Variants in FGF12 observed in about 807,000 individuals in gnomAD.
The protein encoded by FGF12 is fibroblast growth factor 12B.
Under a neutral mutation model 23.6 loss-of-function variants are expected in FGF12, and 14 were observed. The ratio of observed to expected loss-of-function variants is 0.59; its 90% CI spans 0.39 to 0.93. The LOEUF is 0.93. FGF12 is among the 40% of genes least tolerant of loss of function. The probability of loss-of-function intolerance (pLI) is 0.00; values close to 1 mark genes in which losing one functional copy is unlikely to be tolerated. For missense variants in FGF12, 175 were observed against 217.8 expected (o/e 0.80, Z 1.24); for synonymous variants, 62 against 77.3 (o/e 0.80, Z 1.04).
At chr3:192,324,618 T>C (rs1424443466) in intron 4 of FGF12, among the ~76,000 whole-genome samples, 1 of 152,224 alleles carries the variant, frequency 6.6e-6, no homozygotes, top group Non-Finnish European at 1.5e-5. Context: ...TCCAATTTTT[T>C]CACAAAGGAA....
rs1297294648 is a variant in FGF12, at chr3:192,409,408, AAGGG to A, written c.14-48874_14-48871del. On this transcript the variant is annotated intron_variant, in intron 2 of 5. Coordinates refer to ENST00000445105, the MANE Select transcript of FGF12 (RefSeq NM_004113.6). This position sits in a 1 kb window ranked among gnomAD's most constrained non-coding sequence, Gnocchi z 4.8. ...CGCACAGGCTCAGAGGGAGCGAGGG[AAGGG>A]AGGGAAGGAAGGGGCGCCCTGGCGG... Among the ~76,000 whole-genome samples, 4 of 151,930 alleles carry A rather than the reference AAGGG, an allele frequency of 2.6e-5. No homozygotes were observed. The highest frequency in any genetic ancestry group is 4.4e-5 in the Non-Finnish European group (3 of 67,956).
chr3:192,565,620 T>C (rs1712239427), intron 2 of FGF12, among the ~76,000 whole-genome samples: 1 of 152,214 alleles, frequency 6.6e-6, no homozygotes, highest in African/African-American at 2.4e-5. Flanking sequence ...CCCTACAGCT[T>C]AGTTGAATAG....
intron 4 of FGF12, among the ~76,000 whole-genome samples, chr3:192,294,790 CTTTAA>C (rs1335930528): frequency 6.6e-6 from 1 of 152,110 alleles, no homozygotes; most frequent in Non-Finnish European, 1.5e-5. Context: ...GGTAAATAAA[CTTTAA>C]TTAGATTAGG....
chr3:192,379,034 G>A (rs1024340587), intron 2 of FGF12, among the ~76,000 whole-genome samples: 20 of 152,120 alleles, frequency 1.3e-4, no homozygotes, highest in African/African-American at 4.6e-4. Context: ...TCCTGCATTA[G>A]TCTAAGGATA....
intron 2 of FGF12, among the ~76,000 whole-genome samples, chr3:192,652,791 C>T (rs1240823926): frequency 6.6e-6 from 1 of 152,078 alleles, no homozygotes; most frequent in Non-Finnish European, 1.5e-5. Flanking sequence ...ATCCTTATAC[C>T]AAAAAACGTC....
At chr3:192,322,764 A>C (rs922666722) in intron 4 of FGF12, among the ~76,000 whole-genome samples, 2 of 152,188 alleles carry the variant, frequency 1.3e-5, no homozygotes, top group African/African-American at 4.8e-5. Flanking sequence ...AGTCTCTTTG[A>C]TAAATGGTGC....
chr3:192,293,296 A>G (rs192555150), intron 4 of FGF12, among the ~76,000 whole-genome samples: 19 of 152,324 alleles, frequency 1.2e-4, no homozygotes, highest in East Asian at 5.8e-4. Context: ...GGGAAATAAA[A>G]GAAAATCATA....
At chr3:192,509,167 G>A (rs1724399094) in intron 2 of FGF12, among the ~76,000 whole-genome samples, 1 of 152,052 alleles carries the variant, frequency 6.6e-6, no homozygotes, top group South Asian at 2.1e-4. Flanking sequence ...GGGAGGGGTG[G>A]CAATTTGGAA....
chr3:192,264,317 GC>G (rs1369502740), intron 4 of FGF12, among the ~76,000 whole-genome samples: 4 of 152,044 alleles, frequency 2.6e-5, no homozygotes, highest in East Asian at 3.9e-4. Flanking sequence ...TTTCCTAAAA[GC>G]TAAATAATAC....
chr3:192,342,324 A>G (rs377717435), intron 3 of FGF12, among the ~76,000 whole-genome samples: 2 of 152,368 alleles, frequency 1.3e-5, no homozygotes, highest in East Asian at 3.9e-4. Context: ...AGGAAAGCCA[A>G]AAAACCTACA....
At chr3:192,691,243 A>G (rs112211413) in intron 2 of FGF12, among the ~76,000 whole-genome samples, 10 of 152,244 alleles carry the variant, frequency 6.6e-5, no homozygotes, top group African/African-American at 1.9e-4. Flanking sequence ...CATTCTTCTT[A>G]ATGGCACACG....
chr3:192,432,839 A>T (rs1721904579), intron 2 of FGF12, among the ~76,000 whole-genome samples: 2 of 152,136 alleles, frequency 1.3e-5, no homozygotes, highest in African/African-American at 2.4e-5. Flanking sequence ...TTACTGACCC[A>T]CCGAAACTGA....
chr3:192,620,597 G>A (rs1404410086), intron 2 of FGF12, among the ~76,000 whole-genome samples: 1 of 152,126 alleles, frequency 6.6e-6, no homozygotes, highest in African/African-American at 2.4e-5. Flanking sequence ...ATATTATTTA[G>A]CTTTTACGTT....
At chr3:192,345,149 A>G (rs1000025890) in intron 3 of FGF12, among the ~76,000 whole-genome samples, 1 of 152,220 alleles carries the variant, frequency 6.6e-6, no homozygotes, top group African/African-American at 2.4e-5. Context: ...CATATATTCC[A>G]GACATTGTGC....
intron 2 of FGF12, among the ~76,000 whole-genome samples, chr3:192,521,694 T>A (rs1577034184): frequency 6.6e-6 from 1 of 152,074 alleles, no homozygotes; most frequent in African/African-American, 2.4e-5. Flanking sequence ...TGGTAAACTT[T>A]CCCTCCTATC....
intron 2 of FGF12, among the ~76,000 whole-genome samples, chr3:192,582,639 T>C (rs1023111680): frequency 4.0e-5 from 6 of 151,824 alleles, no homozygotes; most frequent in African/African-American, 1.5e-4. Context: ...GTCCTGGTGG[T>C]TGGTGATTAG....
At chr3:192,625,439 A>G (rs1420380016) in intron 2 of FGF12, among the ~76,000 whole-genome samples, 1 of 152,072 alleles carries the variant, frequency 6.6e-6, no homozygotes. Context: ...GCATATTTCC[A>G]TATGTTTAAT....
At chr3:192,411,060 T>A (rs1216291059) in intron 2 of FGF12, among the ~76,000 whole-genome samples, 1 of 152,174 alleles carries the variant, frequency 6.6e-6, no homozygotes, top group Non-Finnish European at 1.5e-5. Flanking sequence ...GACAGGTGTA[T>A]GTTGGCAACA....
rs114909969 is a variant in FGF12 at position 192,618,488 on chromosome 3, C to T, written c.13+108693G>A. The stretch of plus-strand genomic sequence containing the variant: ...AGAAGGAAGGAAGGAAGGGAGGAGA[C>T]TTACAGTATGATAGACAAGATGAGA... On this transcript the variant is annotated intron_variant, in intron 2 of 5. Transcript: ENST00000445105. 4.0e-3 allele frequency among the ~76,000 whole-genome samples: 613 copies of T among 152,106 alleles called. 2 individuals are homozygous for T. The highest frequency in any genetic ancestry group is 0.014 in the African/African-American group (596 of 41,514).
Sources: gnomAD v4.1 joint callset for allele counts (sites outside exome capture counted in the v4.1 genomes callset) on GRCh38, gnomAD v4.1.1 for gene constraint, Gnocchi (gnomAD v3.1) non-coding constraint, MANE v1.5 for transcripts, NCBI Gene and HGNC (gene_info 2026-07-23, HGNC 2026-07-21) for gene names.